The following PKNOX2 variants were observed in gnomAD, a reference collection of about 807,000 sequenced individuals.
PKNOX2 encodes the protein PBX/knotted 1 homeobox 2.
Under a neutral mutation model 53.1 loss-of-function variants are expected in PKNOX2, and 14 were observed. The observed-to-expected ratio is 0.26, with a 90% CI of 0.17 to 0.41. PKNOX2 has a LOEUF of 0.41. PKNOX2 is among the 10% of genes least tolerant of loss of function. The pLI is 1.00. For missense variants in PKNOX2, 496 were observed against 602.8 expected (o/e 0.82, Z 1.85); for synonymous variants, 257 against 242.8 (o/e 1.06, Z -0.54).
intron 2 of PKNOX2, among the ~76,000 whole-genome samples, chr11:125,258,229 T>C (rs1037909272): frequency 7.2e-5 from 11 of 152,128 alleles, no homozygotes; most frequent in African/African-American, 9.7e-5. Context: ...TCAAGCACCA[T>C]GCACACACTA....
chr11:125,281,969 C>G (rs879850542), intron 2 of PKNOX2, among the ~76,000 whole-genome samples: 1 of 152,172 alleles, frequency 6.6e-6, no homozygotes, highest in Non-Finnish European at 1.5e-5. Context: ...GGCTGACATT[C>G]GAGTTACTCA....
intron 4 of PKNOX2, among the ~76,000 whole-genome samples, chr11:125,358,093 G>A (rs1002478023): frequency 6.6e-5 from 10 of 152,150 alleles, no homozygotes; most frequent in African/African-American, 1.9e-4. Flanking sequence ...AAGTACAGTG[G>A]TGTTCCTCAG....
At chr11:125,203,336 G>A (rs1350364646) in intron 1 of PKNOX2, among the ~76,000 whole-genome samples, 1 of 152,158 alleles carries the variant, frequency 6.6e-6, no homozygotes, top group African/African-American at 2.4e-5. Flanking sequence ...TTGAACTCCC[G>A]GGCTCAAGCG....
At chr11:125,232,447 A>G (rs149111632) in intron 1 of PKNOX2, among the ~76,000 whole-genome samples, 63 of 152,336 alleles carry the variant, frequency 4.1e-4, no homozygotes, top group Admixed American at 6.5e-4. Flanking sequence ...AGGAGTTAGC[A>G]TTAGCCCTAT....
intron 1 of PKNOX2, among the ~76,000 whole-genome samples, chr11:125,208,848 T>C (rs1939472067): frequency 6.6e-6 from 1 of 152,018 alleles, no homozygotes; most frequent in African/African-American, 2.4e-5. Context: ...TGCTGCATTC[T>C]GTGGATGTGT....
chr11:125,296,970 A>G lies in PKNOX2; in HGVS notation c.-129-34849A>G, dbSNP rs540841662. On this transcript the variant is annotated intron_variant, in intron 2 of 12. Transcript: ENST00000298282. ...ATCTCACCCAACGAGAAGTTGTCCT[A>G]TGAAGACAGGGAATTTGTTTTGTTC... is the stretch of plus-strand genomic sequence containing the variant. Among the ~76,000 whole-genome samples, 49 of 152,320 alleles carry G rather than the reference A, an allele frequency of 3.2e-4. 1 individual carries two copies. The highest frequency in any genetic ancestry group is 1.1e-3 in the African/African-American group (46 of 41,578).
rs571596821 is a variant in PKNOX2 at position 125,366,516 on chromosome 11, G to A, written c.88-1330G>A. ...TGTTACAATCACTCCATGAGCTTAC[G>A]TTTTAGCTGGGAGTGAAGAGAAAAT... On this transcript the variant is annotated intron_variant, in intron 4 of 12. Transcript: ENST00000298282. Among the ~76,000 whole-genome samples, 9 of 152,134 alleles carry A rather than the reference G, an allele frequency of 5.9e-5. No homozygotes were observed. In the South Asian group the frequency reaches 6.2e-4, roughly 11 times the overall value.
At position 125,316,284 on chromosome 11, in the gene PKNOX2, C is replaced by T. The variant is rs888469126; in HGVS notation, c.-129-15535C>T. The stretch of plus-strand genomic sequence containing the variant: ...TGACCTGAGAACCTCCATCCAGTGC[C>T]GGGGCCTGTGTGAACTCTCTTATGT... On this transcript the variant is annotated intron_variant, in intron 2 of 12. Coordinates refer to ENST00000298282, the MANE Select transcript of PKNOX2 (RefSeq NM_001382323.2). Among the ~76,000 whole-genome samples the T allele has an allele frequency of 4.6e-5, 7 of 152,160 alleles. No homozygotes were observed. The East Asian group carries it at 5.8e-4, about 13-fold the overall frequency.
At chr11:125,241,983 G>A (rs940071423) in intron 2 of PKNOX2, among the ~76,000 whole-genome samples, 1 of 152,208 alleles carries the variant, frequency 6.6e-6, no homozygotes, top group African/African-American at 2.4e-5. Flanking sequence ...CCAAGCTCCA[G>A]GATGGATGGT....
intron 2 of PKNOX2, among the ~76,000 whole-genome samples, chr11:125,264,232 C>T (rs1945123353): frequency 6.6e-6 from 1 of 152,124 alleles, no homozygotes; most frequent in African/African-American, 2.4e-5. Flanking sequence ...TGTCTGGGGG[C>T]CAGGATGGGT....
At chr11:125,183,162 G>A (rs1956245397) in intron 1 of PKNOX2, among the ~76,000 whole-genome samples, 1 of 151,100 alleles carries the variant, frequency 6.6e-6, no homozygotes, top group East Asian at 1.9e-4. Context: ...AGCTCCAAGG[G>A]ACAAGGCACA....
At chr11:125,312,918 A>G (rs1211723585) in intron 2 of PKNOX2, among the ~76,000 whole-genome samples, 3 of 152,182 alleles carry the variant, frequency 2.0e-5, no homozygotes, top group African/African-American at 7.2e-5. Flanking sequence ...TTGAACAGAG[A>G]AAACAGCATT....
At chr11:125,349,357 G>GT (rs1951172566) in intron 3 of PKNOX2, among the ~76,000 whole-genome samples, 1 of 151,904 alleles carries the variant, frequency 6.6e-6, no homozygotes, top group African/African-American at 2.4e-5. Context: ...GAAGAGAGAG[G>GT]CTCCCCCAAA....
intron 2 of PKNOX2, among the ~76,000 whole-genome samples, chr11:125,289,386 T>C (rs1323403412): frequency 6.6e-6 from 1 of 152,230 alleles, no homozygotes; most frequent in East Asian, 1.9e-4. Flanking sequence ...AATGACAGTG[T>C]CTACTCCACA....
At position 125,361,060 on chromosome 11, in the gene PKNOX2, G is replaced by A. The variant is rs1408742625; in HGVS notation, c.88-6786G>A. Among the ~76,000 whole-genome samples, 3 of 152,196 alleles carry A rather than the reference G, an allele frequency of 2.0e-5. No individual in the cohort carries two copies. In the East Asian group the frequency reaches 5.8e-4, roughly 29 times the overall value. ...ACTGTAGACTTCTCTTTTGTGACCT[G>A]AGGATTCAGGGTCAAGGAGGTAAAT... On this transcript the variant is annotated intron_variant, in intron 4 of 12. Coordinates refer to ENST00000298282, the MANE Select transcript of PKNOX2 (RefSeq NM_001382323.2).
At chr11:125,407,729 C>T (rs557000124) in intron 7 of PKNOX2, among the ~76,000 whole-genome samples, 1 of 150,418 alleles carries the variant, frequency 6.6e-6, no homozygotes, top group African/African-American at 2.4e-5. Flanking sequence ...GCAAGACTCT[C>T]TACCCTGTCT....
In PKNOX2 at chr11:125,408,804, C is replaced by T. The variant is rs567149978; in HGVS notation, c.589-1392C>T. On this transcript the variant is annotated intron_variant, in intron 7 of 12. Coordinates refer to ENST00000298282, the MANE Select transcript of PKNOX2 (RefSeq NM_001382323.2). ...TGCTACAGGTAGGCAGTCACTGGCT[C>T]GAGGTTTCCTCCAAACACAGATTTC... Among the ~76,000 whole-genome samples the T allele has an allele frequency of 1.0e-3, 152 of 152,208 alleles. 1 individual carries two copies. The highest frequency in any genetic ancestry group is 3.5e-3 in the African/African-American group (146 of 41,528).
At chr11:125,300,462 G>A (rs994523129) in intron 2 of PKNOX2, among the ~76,000 whole-genome samples, 6 of 152,170 alleles carry the variant, frequency 3.9e-5, no homozygotes, top group Admixed American at 2.6e-4. Flanking sequence ...TCTCCAGCTG[G>A]CAAGCAACAG....
intron 1 of PKNOX2, among the ~76,000 whole-genome samples, chr11:125,189,413 ATGTG>A (rs776327891): frequency 0.013 from 873 of 64,796 alleles, 21 homozygotes; most frequent in Non-Finnish European, 0.017. Flanking sequence ...GTATATATAT[ATGTG>A]TGTGTGTGTG....
Sources: allele counts gnomAD v4.1 joint callset (sites outside exome capture counted in the v4.1 genomes callset), GRCh38; gene constraint gnomAD v4.1.1; transcripts MANE v1.5; gene names NCBI Gene and HGNC (gene_info 2026-07-23, HGNC 2026-07-21).